The following CRPPA variants were observed in gnomAD, a reference collection of about 807,000 sequenced individuals.
CRPPA encodes CDP-L-ribitol pyrophosphorylase A.
Under a neutral mutation model 52.0 loss-of-function variants are expected in CRPPA, and 43 were observed. That is an observed-to-expected ratio of 0.83 (90% confidence interval 0.65 to 1.07). The LOEUF (loss-of-function observed/expected upper bound fraction) is 1.07, where lower values mean the gene tolerates loss of function less well. Ranked by LOEUF, CRPPA falls within the 50% of genes least tolerant of loss-of-function variation. The pLI, the probability that CRPPA is intolerant of heterozygous loss-of-function variation, is 0.00. For synonymous variants in CRPPA, 250 were observed against 203.5 expected, an observed-to-expected ratio of 1.23 and a Z score of -1.94; for missense variants, 629 against 551.7, an observed-to-expected ratio of 1.14 and a Z score of -1.40.
rs528254577 is a variant in CRPPA, at chr7:16,213,635, G to A, written c.1251+2431C>T. Among the ~76,000 whole-genome samples the A allele has an allele frequency of 7.9e-5, 12 of 151,890 alleles. No individual in the cohort carries two copies. In the South Asian group the frequency reaches 2.3e-3, roughly 29 times the overall value. Reference sequence around the variant, plus strand: ...ATGGTGGCGGGCACCCATAATCCCAGCTACTTGAGAGGCTGTGGCAGGAGA... The same window carrying A: ...ATGGTGGCGGGCACCCATAATCCCAACTACTTGAGAGGCTGTGGCAGGAGA... On this transcript the variant is annotated intron_variant, in intron 9 of 9. Transcript: ENST00000407010.
At chr7:16,281,066 G>C (rs1474133995) in intron 5 of CRPPA, among the ~76,000 whole-genome samples, 1 of 152,148 alleles carries the variant, frequency 6.6e-6, no homozygotes, top group Non-Finnish European at 1.5e-5. Flanking sequence ...CCATGTTTCA[G>C]TTACCCTAAA....
rs1310912393 is a variant in CRPPA at position 16,258,475 on chromosome 7, G to A, written c.1034C>T (p.Thr345Ile). The A allele has an allele frequency of 3.8e-6, 6 of 1,594,252 alleles. No individual in the cohort carries two copies. Among genetic ancestry groups the A allele is most frequent in the Non-Finnish European group, 5.1e-6 (6 of 1,169,380 alleles). The change falls in exon 8 of 10, where the codon ACC (threonine) becomes ATC (isoleucine). Residue 345 changes from threonine to isoleucine, a missense_variant. Coordinates refer to ENST00000407010, the MANE Select transcript of CRPPA (RefSeq NM_001101426.4). Reference sequence around the variant, plus strand: ...CTTCTGGGTTTCTTGAAAATCAGAGGTTGTAACCTAAAAGACCAGAAAAAT... The same window carrying A: ...CTTCTGGGTTTCTTGAAAATCAGAGATTGTAACCTAAAAGACCAGAAAAAT... ...CYNFVCVNVTTSDFQETQKLL... is the reference protein window; with the variant it reads ...CYNFVCVNVTISDFQETQKLL...
In CRPPA at chr7:16,328,896, G is replaced by T. The variant is rs145942195; in HGVS notation, c.685-20269C>A. On this transcript the variant is annotated intron_variant, in intron 3 of 9. Transcript: ENST00000407010. ...TTTGGGGTTTCTTTTAAACATGATA[G>T]CCTGCCAACTATCAAATAACAGCAC... Among the ~76,000 whole-genome samples the T allele has an allele frequency of 6.8e-3, 1,037 of 152,180 alleles. 17 individuals are homozygous for T. The highest frequency in any genetic ancestry group is 0.024 in the African/African-American group (1,015 of 41,504).
intron 8 of CRPPA, among the ~76,000 whole-genome samples, chr7:16,219,172 C>T (rs974560675): frequency 4.0e-5 from 6 of 151,874 alleles, no homozygotes; most frequent in African/African-American, 1.5e-4. Context: ...GGAAACTGAA[C>T]AACCTGCTCC....
chr7:16,159,580 C>T (rs1324320361), intron 9 of CRPPA, among the ~76,000 whole-genome samples: 1 of 152,122 alleles, frequency 6.6e-6, no homozygotes, highest in East Asian at 1.9e-4. Flanking sequence ...GGTATATATG[C>T]ACAACATTTT....
intron 2 of CRPPA, among the ~76,000 whole-genome samples, chr7:16,393,283 A>G (rs1200122171): frequency 3.3e-5 from 5 of 152,298 alleles, no homozygotes; most frequent in African/African-American, 1.2e-4. Context: ...ATTAAACAAC[A>G]GAAGTGGTTT....
At chr7:16,246,461 C>A (rs1207647242) in intron 8 of CRPPA, among the ~76,000 whole-genome samples, 1 of 152,178 alleles carries the variant, frequency 6.6e-6, no homozygotes, top group Admixed American at 6.5e-5. Context: ...CTAACGGCAA[C>A]TAACAGGGTG....
chr7:16,256,618 A>G (rs1783648047), intron 8 of CRPPA, among the ~76,000 whole-genome samples: 1 of 152,212 alleles, frequency 6.6e-6, no homozygotes, highest in Non-Finnish European at 1.5e-5. Flanking sequence ...TTGCAGGGAC[A>G]TAGATGAAAC....
intron 2 of CRPPA, among the ~76,000 whole-genome samples, chr7:16,392,405 T>C (rs1787468764): frequency 6.6e-6 from 1 of 152,162 alleles, no homozygotes. Flanking sequence ...ATTCTTCATA[T>C]TTTTGTCCTG....
In CRPPA at chr7:16,089,604, T is replaced by A. The variant is rs1223758527; in HGVS notation, c.*2091A>T. The A allele has an allele frequency of 4.5e-6, 1 of 223,930 alleles. No homozygotes were observed. The highest frequency in any genetic ancestry group is 4.6e-5 in the Admixed American group (1 of 21,522). 13.9% of individuals were successfully genotyped at this position (223,930 alleles called of 1,614,324 possible). On this transcript the variant is annotated 3_prime_UTR_variant, in exon 10 of 10. Transcript: ENST00000407010. ...ATACATGCATGTATATACATATATATGGGTATACATACATGTATATGTATG... is the reference window on the plus strand; with the variant it reads ...ATACATGCATGTATATACATATATAAGGGTATACATACATGTATATGTATG...
intron 5 of CRPPA, among the ~76,000 whole-genome samples, chr7:16,291,392 A>G (rs1336679743): frequency 6.6e-6 from 1 of 152,004 alleles, no homozygotes; most frequent in Non-Finnish European, 1.5e-5. Context: ...ACAATGGAAT[A>G]CTACTGAGTC....
chr7:16,195,968 C>G (rs1331839264), intron 9 of CRPPA, among the ~76,000 whole-genome samples: 1 of 152,008 alleles, frequency 6.6e-6, no homozygotes, highest in Non-Finnish European at 1.5e-5. Context: ...AAGATGGGAC[C>G]ATAAAATAAT....
In CRPPA at chr7:16,159,048, G is replaced by A. The variant is rs753737965; in HGVS notation, c.1251+57018C>T. 5.3e-5 allele frequency among the ~76,000 whole-genome samples: 8 copies of A among 152,120 alleles called. 1 individual carries two copies. Among genetic ancestry groups the A allele is most frequent in the South Asian group, 2.1e-4 (1 of 4,830 alleles). The stretch of plus-strand genomic sequence containing the variant: ...ATTTAACTTGCCTAAGAGGATATCC[G>A]TGGCCAAGGCTTCTGTTCTTTTCAC... On this transcript the variant is annotated intron_variant, in intron 9 of 9. Transcript: ENST00000407010.
At position 16,090,490 on chromosome 7, in the gene CRPPA, G is replaced by C. The variant is rs1449260343; in HGVS notation, c.*1205C>G. 1 of 148,126 alleles carries C rather than the reference G, an allele frequency of 6.8e-6. No homozygotes were observed. Among genetic ancestry groups the C allele is most frequent in the Non-Finnish European group, 1.5e-5 (1 of 67,598 alleles). The allele number at this position is 148,126 out of a possible 1,614,324, so 9.2% of individuals were successfully genotyped here. On this transcript the variant is annotated 3_prime_UTR_variant, in exon 10 of 10. Coordinates refer to ENST00000407010, the MANE Select transcript of CRPPA (RefSeq NM_001101426.4). ...AGGCCGAGGCAGGCAGATCACTTGA[G>C]GTCAGGAGTTCAAGACCAGCCTGGC... is the stretch of plus-strand genomic sequence containing the variant.
At chr7:16,272,940 T>C (rs7782485) in intron 6 of CRPPA, among the ~76,000 whole-genome samples, 45,890 of 151,044 alleles carry the variant, frequency 0.3, 8,680 homozygotes, top group Admixed American at 0.44. Flanking sequence ...AGAATGTCTA[T>C]TCATATCCTT....
intron 3 of CRPPA, among the ~76,000 whole-genome samples, chr7:16,318,902 TA>T (rs1785200800): frequency 6.6e-6 from 1 of 152,220 alleles, no homozygotes; most frequent in Non-Finnish European, 1.5e-5. Flanking sequence ...TTGAGACTAA[TA>T]ATTTACCTTT....
chr7:16,094,694 T>G (rs1338617201), intron 9 of CRPPA, among the ~76,000 whole-genome samples: 1 of 152,024 alleles, frequency 6.6e-6, no homozygotes, highest in Admixed American at 6.6e-5. Flanking sequence ...CAGTGAAAAA[T>G]CATGCTGATA....
At chr7:16,121,123 TG>T (rs1782472093) in intron 9 of CRPPA, among the ~76,000 whole-genome samples, 2 of 152,126 alleles carry the variant, frequency 1.3e-5, no homozygotes, top group African/African-American at 4.8e-5. Flanking sequence ...AGGTAATGAC[TG>T]AAAAACTCAG....
At chr7:16,099,582 G>A (rs1020466873) in intron 9 of CRPPA, among the ~76,000 whole-genome samples, 4 of 152,076 alleles carry the variant, frequency 2.6e-5, no homozygotes, top group African/African-American at 9.7e-5. Flanking sequence ...AGGCAGCACC[G>A]ATACTTTACG....
Sources: gnomAD v4.1 joint callset for allele counts (sites outside exome capture counted in the v4.1 genomes callset) on GRCh38, gnomAD v4.1.1 for gene constraint, MANE v1.5 for transcripts, NCBI Gene and HGNC (gene_info 2026-07-23, HGNC 2026-07-21) for gene names.